The following STEAP1B variants were observed in gnomAD, a reference collection of about 807,000 sequenced individuals.
STEAP1B encodes the protein STEAP family protein MGC87042.
Under a neutral mutation model 27.9 loss-of-function variants are expected in STEAP1B, and 13 were observed. That is an observed-to-expected ratio of 0.47 (90% CI 0.30 to 0.74). The LOEUF (loss-of-function observed/expected upper bound fraction) is 0.74. Among genes scored for constraint, STEAP1B ranks in the 30% least tolerant of loss-of-function variants. STEAP1B has a pLI of 0.06. For missense variants in STEAP1B, 250 were observed against 298.7 expected, an observed-to-expected ratio of 0.84 and a Z score of 1.20; for synonymous variants, 86 against 107.1, an observed-to-expected ratio of 0.80 and a Z score of 1.22.
At chr7:22,482,368 A>G (rs1399369210) in intron 4 of STEAP1B, among the ~76,000 whole-genome samples, 7 of 152,208 alleles carry the variant, frequency 4.6e-5, no homozygotes, top group Non-Finnish European at 4.4e-5. Flanking sequence ...TAGCACAAGT[A>G]TGGCCTAAGT....
chr7:22,473,139 G>T (rs1344946922), intron 4 of STEAP1B, among the ~76,000 whole-genome samples: 1 of 152,130 alleles, frequency 6.6e-6, no homozygotes, highest in African/African-American at 2.4e-5. Flanking sequence ...GCACTGACCA[G>T]GACACCGCAA....
chr7:22,456,255 G>C (rs1357801778), intron 4 of STEAP1B, among the ~76,000 whole-genome samples: 1 of 152,158 alleles, frequency 6.6e-6, no homozygotes, highest in Non-Finnish European at 1.5e-5. Flanking sequence ...TCCATGGTTT[G>C]GATTGATTAT....
At chr7:22,497,953 A>G (rs1393696644) in intron 1 of STEAP1B, among the ~76,000 whole-genome samples, 1 of 152,136 alleles carries the variant, frequency 6.6e-6, no homozygotes, top group East Asian at 1.9e-4. Context: ...GAAGGGGGAT[A>G]GGGTTTTGAG....
chr7:22,443,267 C>T (rs746849199), intron 4 of STEAP1B, among the ~76,000 whole-genome samples: 1 of 152,182 alleles, frequency 6.6e-6, no homozygotes, highest in Non-Finnish European at 1.5e-5. Flanking sequence ...AGAGAAAATC[C>T]TAGTATCATG....
At chr7:22,444,952 G>A (rs151235540) in intron 4 of STEAP1B, among the ~76,000 whole-genome samples, 82 of 152,278 alleles carry the variant, frequency 5.4e-4, no homozygotes, top group African/African-American at 1.8e-3. Flanking sequence ...ACCAGAGCGA[G>A]CTCTGGGTCT....
intron 4 of STEAP1B, among the ~76,000 whole-genome samples, chr7:22,435,663 C>G (rs1041207713): frequency 6.6e-6 from 1 of 152,170 alleles, no homozygotes; most frequent in Non-Finnish European, 1.5e-5. Flanking sequence ...TGAGACAAGA[C>G]AGTATTCAGT....
chr7:22,488,758 T>C (rs537649939), intron 4 of STEAP1B, among the ~76,000 whole-genome samples: 1 of 152,282 alleles, frequency 6.6e-6, no homozygotes, highest in East Asian at 1.9e-4. Context: ...AGGGGACATA[T>C]GCAATTGCAG....
chr7:22,458,330 C>T (rs118087297), intron 4 of STEAP1B, among the ~76,000 whole-genome samples: 1,985 of 152,134 alleles, frequency 0.013, 25 homozygotes, highest in South Asian at 0.067. Context: ...TGGGAGCACC[C>T]AGTAGAGGCT....
chr7:22,459,106 G>T (rs3114729), intron 4 of STEAP1B, among the ~76,000 whole-genome samples: 150,252 of 152,252 alleles, frequency 0.99, 74,184 homozygotes, highest in East Asian at 1. Context: ...CCCATGGAGG[G>T]TGGGGACTCC....
intron 4 of STEAP1B, among the ~76,000 whole-genome samples, chr7:22,448,400 T>A (rs1413375379): frequency 6.6e-6 from 1 of 152,206 alleles, no homozygotes; most frequent in African/African-American, 2.4e-5. Context: ...AATAGAACTT[T>A]TTTCCTTGAA....
At chr7:22,427,126 A>C (rs1228985244) in intron 4 of STEAP1B, among the ~76,000 whole-genome samples, 1 of 152,258 alleles carries the variant, frequency 6.6e-6, no homozygotes, top group Non-Finnish European at 1.5e-5. Context: ...CAGGCCACAG[A>C]GGACCCAGTG....
At chr7:22,419,969 C>T (rs1785024889) in intron 4 of STEAP1B, 133 bp from the exon 5 acceptor site, 1 of 1,055,626 alleles carries the variant, frequency 9.5e-7, no homozygotes, top group Non-Finnish European at 1.3e-6. Context: ...ACCAGGGAGT[C>T]AGGGCAAAGC....
At chr7:22,428,448 A>G (rs891074301) in intron 4 of STEAP1B, among the ~76,000 whole-genome samples, 1 of 152,162 alleles carries the variant, frequency 6.6e-6, no homozygotes, top group Non-Finnish European at 1.5e-5. Context: ...ACATTCATGC[A>G]TCATACAAGC....
intron 4 of STEAP1B, among the ~76,000 whole-genome samples, chr7:22,457,104 G>A (rs3114727): frequency 0.39 from 57,708 of 148,242 alleles, 11,371 homozygotes; most frequent in South Asian, 0.47. Flanking sequence ...ACAAAAGGCC[G>A]AGTCTCTAAA....
intron 1 of STEAP1B, among the ~76,000 whole-genome samples, chr7:22,496,036 T>C (rs909213132): frequency 2.0e-4 from 30 of 152,316 alleles, no homozygotes; most frequent in African/African-American, 7.0e-4. Flanking sequence ...TCAGAGAAGA[T>C]GGCAGCTCCA....
chr7:22,491,713 G>T (rs1264790818), intron 4 of STEAP1B, among the ~76,000 whole-genome samples: 1 of 152,184 alleles, frequency 6.6e-6, no homozygotes, highest in African/African-American at 2.4e-5. Flanking sequence ...TAGACCAGAA[G>T]AATCTGGGTT....
intron 4 of STEAP1B, among the ~76,000 whole-genome samples, chr7:22,450,283 T>G (rs1180590328): frequency 6.6e-6 from 1 of 152,238 alleles, no homozygotes; most frequent in Non-Finnish European, 1.5e-5. Flanking sequence ...CTTCAATGTT[T>G]CTTTGTAGTA....
At chr7:22,454,962 A>C (rs1397071743) in intron 4 of STEAP1B, among the ~76,000 whole-genome samples, 1 of 151,024 alleles carries the variant, frequency 6.6e-6, no homozygotes, top group African/African-American at 2.4e-5. Context: ...TCCCGGGTTC[A>C]AGTGATTCTT....
intron 4 of STEAP1B, among the ~76,000 whole-genome samples, chr7:22,424,503 T>C (rs1461815385): frequency 6.6e-6 from 1 of 152,216 alleles, no homozygotes; most frequent in Non-Finnish European, 1.5e-5. Context: ...CATTATTTCA[T>C]ACTCATCTGG....
Sources: gnomAD v4.1 joint callset for allele counts (sites outside exome capture counted in the v4.1 genomes callset) on GRCh38, gnomAD v4.1.1 for gene constraint, MANE v1.5 for transcripts, NCBI Gene and HGNC (gene_info 2026-07-23, HGNC 2026-07-21) for gene names.